The following TAF3 variants were observed in gnomAD, a reference collection of about 807,000 sequenced individuals.
TAF3 encodes the protein TATA-box binding protein associated factor 3.
TAF3 carries 7 observed loss-of-function variants against 80.6 expected under a neutral mutation model. That is an observed-to-expected ratio of 0.09 (90% CI 0.05 to 0.16). The LOEUF (loss-of-function observed/expected upper bound fraction) is 0.16. Ranked by LOEUF, TAF3 falls within the 10% of genes least tolerant of loss-of-function variation. The probability of loss-of-function intolerance (pLI) is 1.00; values close to 1 mark genes in which losing one functional copy is unlikely to be tolerated. For missense variants in TAF3, 921 were observed against 1,140.2 expected (o/e 0.81, Z 2.77); for synonymous variants, 444 against 446.1 (o/e 1.00, Z 0.06).
At chr10:7,941,583 C>T (rs561137328) in intron 2 of TAF3, among the ~76,000 whole-genome samples, 2 of 152,354 alleles carry the variant, frequency 1.3e-5, no homozygotes, top group South Asian at 2.1e-4. Context: ...CCCTCTGCTT[C>T]GCCACTGCCT....
At chr10:7,843,922 A>G (rs1836944024) in intron 2 of TAF3, among the ~76,000 whole-genome samples, 1 of 152,194 alleles carries the variant, frequency 6.6e-6, no homozygotes, top group Admixed American at 6.5e-5. Context: ...GGACTGTTTT[A>G]TATGGAAGTG....
Position 7,987,193 on chromosome 10 carries a change from G to A in TAF3, c.2315+9870G>A, listed in dbSNP as rs566217027. Among the ~76,000 whole-genome samples the A allele has an allele frequency of 4.6e-5, 7 of 152,260 alleles. No homozygotes were observed. The South Asian group carries it at 1.5e-3, about 32-fold the overall frequency. ...AAAAATTAGCCAGGTATGGTGGCAT[G>A]TGCCTTTAGTCCCACGTACTCAGGA... On this transcript the variant is annotated intron_variant, in intron 4 of 6. Coordinates refer to ENST00000344293, the MANE Select transcript of TAF3 (RefSeq NM_031923.4).
At chr10:7,884,394 T>G (rs551263223) in intron 2 of TAF3, among the ~76,000 whole-genome samples, 1 of 146,232 alleles carries the variant, frequency 6.8e-6, no homozygotes, top group South Asian at 2.2e-4. Flanking sequence ...TCTGCCTCCT[T>G]TTTTTTTTTG....
intron 1 of TAF3, among the ~76,000 whole-genome samples, chr10:7,820,255 A>G (rs1160074109): frequency 6.6e-6 from 1 of 152,074 alleles, no homozygotes; most frequent in African/African-American, 2.4e-5. Context: ...TATTTCTTTT[A>G]TATTATTTGT....
intron 2 of TAF3, among the ~76,000 whole-genome samples, chr10:7,829,153 T>A (rs542234761): frequency 2.0e-4 from 30 of 152,156 alleles, no homozygotes; most frequent in Admixed American, 4.6e-4. Flanking sequence ...TTTTAGAGTT[T>A]CTATTTTTTA....
At chr10:7,895,126 A>G (rs563493729) in intron 2 of TAF3, among the ~76,000 whole-genome samples, 2 of 152,290 alleles carry the variant, frequency 1.3e-5, no homozygotes, top group East Asian at 1.9e-4. Flanking sequence ...CGGCCTCCCA[A>G]AGTGCTGGGA....
At chr10:7,906,396 T>C (rs1258944125) in intron 2 of TAF3, among the ~76,000 whole-genome samples, 1 of 152,202 alleles carries the variant, frequency 6.6e-6, no homozygotes, top group Non-Finnish European at 1.5e-5. Flanking sequence ...TAACTACAGC[T>C]ACATGATTCT....
In TAF3 at chr10:8,009,153, G is replaced by GGCCCCCGCGCCC; in HGVS notation, c.2399_2410dup (p.Ala800_Pro803dup). ...AGAACAGGCCGAAGACCCCACCGCC[G>GGCCCCCGCGCCC]GCCCCCGCGCCCGCCCCCGGCCCCA... On this transcript the variant is annotated inframe_insertion, in exon 5 of 7. Coordinates refer to ENST00000344293, the MANE Select transcript of TAF3 (RefSeq NM_031923.4). The surrounding 1 kb of genome is among the most constrained non-coding windows in gnomAD (Gnocchi z 4.1). 1 of 1,575,672 alleles carries GGCCCCCGCGCCC rather than the reference G, an allele frequency of 6.3e-7. No individual in the cohort carries two copies. Among genetic ancestry groups the GGCCCCCGCGCCC allele is most frequent in the Non-Finnish European group, 8.6e-7 (1 of 1,161,720 alleles).
At chr10:7,944,658 G>A (rs1276101593) in intron 2 of TAF3, among the ~76,000 whole-genome samples, 1 of 152,116 alleles carries the variant, frequency 6.6e-6, no homozygotes, top group Non-Finnish European at 1.5e-5. Context: ...AATACAAAGG[G>A]TTATCTCTTA....
intron 2 of TAF3, among the ~76,000 whole-genome samples, chr10:7,907,230 A>G (rs1246735915): frequency 6.6e-6 from 1 of 152,144 alleles, no homozygotes; most frequent in Non-Finnish European, 1.5e-5. Context: ...GAGCTTCGCA[A>G]CACCCTCGGA....
chr10:7,936,352 G>T (rs2131202017), intron 2 of TAF3, among the ~76,000 whole-genome samples: 1 of 152,254 alleles, frequency 6.6e-6, no homozygotes, highest in African/African-American at 2.4e-5. Context: ...GGAGCTTCTA[G>T]TTGGGGAGAT....
intron 4 of TAF3, among the ~76,000 whole-genome samples, chr10:7,985,099 G>T (rs1237832169): frequency 6.6e-6 from 1 of 152,192 alleles, no homozygotes; most frequent in East Asian, 1.9e-4. Flanking sequence ...ATAGCTTCTA[G>T]AGTGAATATC....
At chr10:8,012,815 A>G (rs1216059385) in intron 5 of TAF3, among the ~76,000 whole-genome samples, 1 of 152,236 alleles carries the variant, frequency 6.6e-6, no homozygotes, top group Non-Finnish European at 1.5e-5. Context: ...TTCTAAAAGC[A>G]TGTCTAGTCA....
chr10:7,963,640 C>G (rs1831534019), intron 2 of TAF3, among the ~76,000 whole-genome samples: 1 of 151,870 alleles, frequency 6.6e-6, no homozygotes, highest in Admixed American at 6.6e-5. Flanking sequence ...AGGGGAACAT[C>G]ACACATCGGC....
At chr10:7,840,403 C>T (rs188943812) in intron 2 of TAF3, among the ~76,000 whole-genome samples, 52 of 151,976 alleles carry the variant, frequency 3.4e-4, no homozygotes, top group Admixed American at 2.6e-3. Flanking sequence ...CCGCCCGCCT[C>T]GGCCTCCCAA....
chr10:7,952,379 A>T (rs1330701821), intron 2 of TAF3, among the ~76,000 whole-genome samples: 1 of 152,204 alleles, frequency 6.6e-6, no homozygotes, highest in East Asian at 1.9e-4. Context: ...GGAGGAGAGA[A>T]AATAGGAGAT....
chr10:7,988,608 A>C (rs1444306414), intron 4 of TAF3, among the ~76,000 whole-genome samples: 2 of 139,298 alleles, frequency 1.4e-5, no homozygotes, highest in African/African-American at 2.6e-5. Flanking sequence ...AAAAGAAGCC[A>C]GATATAATGG....
chr10:7,823,181 T>C (rs1354168422), intron 1 of TAF3, among the ~76,000 whole-genome samples: 2 of 152,196 alleles, frequency 1.3e-5, no homozygotes, highest in East Asian at 3.8e-4. Flanking sequence ...ATTTTAAAAA[T>C]TGATTTAATG....
intron 2 of TAF3, among the ~76,000 whole-genome samples, chr10:7,870,623 C>T (rs1273253883): frequency 2.6e-5 from 4 of 152,162 alleles, no homozygotes; most frequent in African/African-American, 9.7e-5. Context: ...ACTTGTTAAA[C>T]TTCTACAGAC....
Sources: gnomAD v4.1 joint callset for allele counts (sites outside exome capture counted in the v4.1 genomes callset) on GRCh38, gnomAD v4.1.1 for gene constraint, Gnocchi (gnomAD v3.1) non-coding constraint, MANE v1.5 for transcripts, NCBI Gene and HGNC (gene_info 2026-07-23, HGNC 2026-07-21) for gene names.